Variants in BTBD9 observed in about 807,000 individuals in gnomAD.
The protein encoded by BTBD9 is BTB domain containing 9, also known as BTB/POZ domain-containing protein 9.
A neutral mutation model predicts 64.3 loss-of-function variants in BTBD9; 49 were observed. The observed-to-expected ratio is 0.76, with a 90% CI of 0.61 to 0.97. The LOEUF is 0.97. BTBD9 is among the 50% of genes least tolerant of loss of function. The pLI is 0.00. For synonymous variants in BTBD9, 260 were observed against 274.7 expected, an observed-to-expected ratio of 0.95 and a Z score of 0.53; for missense variants, 598 against 762.1, an observed-to-expected ratio of 0.78 and a Z score of 2.53.
At position 38,444,649 on chromosome 6, in the gene BTBD9, T is replaced by C. The variant is rs1582441549; in HGVS notation, c.1155-99556A>G. Among the ~76,000 whole-genome samples the C allele has an allele frequency of 2.0e-5, 3 of 152,274 alleles. No homozygotes were observed. The East Asian group carries it at 5.8e-4, about 29-fold the overall frequency. ...ACCCCTCTGTACTTCAGACTCCACA[T>C]CTATAAAATGGGGATAAAAAGGGTA... On this transcript the variant is annotated intron_variant, in intron 6 of 10. Transcript: ENST00000481247.
At chr6:38,315,332 G>T (rs1356706610) in intron 7 of BTBD9, among the ~76,000 whole-genome samples, 1 of 151,808 alleles carries the variant, frequency 6.6e-6, no homozygotes, top group East Asian at 1.9e-4. Flanking sequence ...TTTAGATTTG[G>T]TTTGCTCTTG....
chr6:38,213,752 CG>C (rs1561881575), intron 9 of BTBD9, among the ~76,000 whole-genome samples: 1 of 152,082 alleles, frequency 6.6e-6, no homozygotes, highest in Non-Finnish European at 1.5e-5. Context: ...GAGGCTGAGG[CG>C]GGCGGATCAT....
intron 7 of BTBD9, among the ~76,000 whole-genome samples, chr6:38,320,859 G>A (rs1763206483): frequency 6.6e-6 from 1 of 152,148 alleles, no homozygotes; most frequent in Non-Finnish European, 1.5e-5. Context: ...TGGGGGACAA[G>A]CCACCTTTAA....
chr6:38,403,097 G>C (rs1406520580), intron 6 of BTBD9, among the ~76,000 whole-genome samples: 1 of 115,240 alleles, frequency 8.7e-6, no homozygotes, highest in Non-Finnish European at 1.6e-5. Context: ...GGGAGGGGAA[G>C]GGAGGGGAGA....
intron 6 of BTBD9, among the ~76,000 whole-genome samples, chr6:38,502,868 T>C (rs1278403516): frequency 1.3e-5 from 2 of 152,144 alleles, no homozygotes; most frequent in South Asian, 2.1e-4. Flanking sequence ...TAGGTGATCA[T>C]GAAGAGAGGA....
Position 38,592,577 on chromosome 6 carries a change from G to A in BTBD9, c.813C>T (p.Leu271=). 1.2e-6 allele frequency: 2 copies of A among 1,613,928 alleles called. No individual in the cohort carries two copies. Among genetic ancestry groups the A allele is most frequent in the Non-Finnish European group, 1.7e-6 (2 of 1,179,936 alleles). Residue 271 remains leucine, a splice_region_variant and synonymous_variant, in exon 4 of 11, where the codon CTC becomes CTT. Coordinates refer to ENST00000481247, the MANE Select transcript of BTBD9 (RefSeq NM_001099272.2). ...AGTTTAGGATAGACAGGTACTTACT[G>A]AGCATGCCTCTATAATTGAGGTCCA... ...RDMDLNYRGM[L]IPEENIATMK...
At chr6:38,423,696 G>C (rs1460257263) in intron 6 of BTBD9, among the ~76,000 whole-genome samples, 1 of 152,186 alleles carries the variant, frequency 6.6e-6, no homozygotes, top group East Asian at 1.9e-4. Context: ...TTGGGAATTA[G>C]ACCCAAAATA....
chr6:38,314,774 T>C (rs374639050), intron 7 of BTBD9, among the ~76,000 whole-genome samples: 39 of 152,342 alleles, frequency 2.6e-4, no homozygotes, highest in African/African-American at 7.9e-4. Flanking sequence ...GGCATATATT[T>C]GCTTATAGCA....
chr6:38,592,951 C>T, intron 3 of BTBD9, 111 bp from the exon 4 acceptor site: 1 of 1,063,562 alleles, frequency 9.4e-7, no homozygotes, highest in Non-Finnish European at 1.3e-6. Flanking sequence ...CTCTTTTTGA[C>T]CCTCTCCTTC....
chr6:38,274,608 A>C (rs1340465792), intron 8 of BTBD9, among the ~76,000 whole-genome samples: 1 of 152,190 alleles, frequency 6.6e-6, no homozygotes, highest in Admixed American at 6.5e-5. Context: ...GAATTTTGTC[A>C]AAGGCCTTTT....
chr6:38,559,653 G>C (rs935360319), intron 6 of BTBD9, among the ~76,000 whole-genome samples: 1 of 152,116 alleles, frequency 6.6e-6, no homozygotes, highest in Non-Finnish European at 1.5e-5. Context: ...AAAGCTGGAG[G>C]CATCACATTA....
chr6:38,605,780 T>G (rs914298045), intron 1 of BTBD9, among the ~76,000 whole-genome samples: 5 of 152,186 alleles, frequency 3.3e-5, no homozygotes, highest in Admixed American at 3.3e-4. Flanking sequence ...TTCATGCCAC[T>G]GCACTCCAGC....
At chr6:38,560,110 G>C (rs1775204493) in intron 6 of BTBD9, among the ~76,000 whole-genome samples, 1 of 152,052 alleles carries the variant, frequency 6.6e-6, no homozygotes, top group Non-Finnish European at 1.5e-5. Flanking sequence ...CACAGCAAAA[G>C]AAACTATCAA....
At chr6:38,533,761 A>T (rs568693037) in intron 6 of BTBD9, among the ~76,000 whole-genome samples, 9 of 152,212 alleles carry the variant, frequency 5.9e-5, no homozygotes, top group Non-Finnish European at 1.3e-4. Context: ...AAACACATGC[A>T]AATTAAACAA....
chr6:38,247,315 T>C (rs1225935479), intron 9 of BTBD9, among the ~76,000 whole-genome samples: 1 of 152,194 alleles, frequency 6.6e-6, no homozygotes, highest in Admixed American at 6.5e-5. Context: ...GAAGAAATAT[T>C]TTCCTCTTTC....
chr6:38,394,667 A>G (rs572458599), intron 6 of BTBD9, among the ~76,000 whole-genome samples: 83 of 143,526 alleles, frequency 5.8e-4, no homozygotes, highest in South Asian at 3.9e-3. Flanking sequence ...TCTAGGGGGG[A>G]AAAAAAAAAA....
At chr6:38,350,748 C>A (rs753624808) in intron 6 of BTBD9, among the ~76,000 whole-genome samples, 16 of 152,106 alleles carry the variant, frequency 1.1e-4, no homozygotes, top group African/African-American at 3.4e-4. Flanking sequence ...GAGGACTCTG[C>A]GGAGAACATT....
intron 6 of BTBD9, among the ~76,000 whole-genome samples, chr6:38,397,472 G>A (rs527585519): frequency 1.1e-4 from 16 of 152,316 alleles, no homozygotes; most frequent in African/African-American, 3.8e-4. Flanking sequence ...AACTCATTGA[G>A]ATGAGAACTT....
chr6:38,414,683 T>C (rs925835213), intron 6 of BTBD9, among the ~76,000 whole-genome samples: 1 of 152,224 alleles, frequency 6.6e-6, no homozygotes, highest in Non-Finnish European at 1.5e-5. Flanking sequence ...GCACTCTTAA[T>C]GTAACTGACT....
Sources: gnomAD v4.1 joint callset for allele counts (sites outside exome capture counted in the v4.1 genomes callset) on GRCh38, gnomAD v4.1.1 for gene constraint, MANE v1.5 for transcripts, NCBI Gene and HGNC (gene_info 2026-07-23, HGNC 2026-07-21) for gene names.